BNC1: variants seen among roughly 807,000 people sequenced by gnomAD.
BNC1 encodes the protein zinc finger protein basonuclin-1.
Under a neutral mutation model 66.5 loss-of-function variants are expected in BNC1, and 8 were observed. The ratio of observed to expected loss-of-function variants is 0.12; its 90% CI spans 0.07 to 0.22. The LOEUF (loss-of-function observed/expected upper bound fraction) is 0.22. BNC1 is among the 10% of genes least tolerant of loss of function. BNC1 has a pLI of 1.00. For missense variants in BNC1, 1,069 were observed against 1,241.3 expected, an observed-to-expected ratio of 0.86 and a Z score of 2.09; for synonymous variants, 454 against 452.6, an observed-to-expected ratio of 1.00 and a Z score of -0.04.
chr15:83,257,846 T>C lies in BNC1; in HGVS notation c.2581A>G (p.Thr861Ala). The C allele has an allele frequency of 6.2e-7, 1 of 1,614,160 alleles. No homozygotes were observed. Among genetic ancestry groups the C allele is most frequent in the East Asian group, 2.2e-5 (1 of 44,874 alleles). ...CTACTCTCTGACTTCATGCTCGAGG[T>C]AGTGCTCAAATCCAGGATGGTGCCC... ...SEGTILDLST[T>A]SSMKSESSSH... is the part of the protein sequence containing the mutation. The change falls in exon 5 of 5, where the codon ACC becomes GCC. Residue 861 changes from threonine to alanine, a missense_variant. Thr to Ala is a moderately conservative substitution (Grantham distance 58). Around this residue, in one of 7 missense-constraint regions of BNC1, gnomAD observed 657 missense variants for 715.8 expected, o/e 0.92. Coordinates refer to ENST00000345382, the MANE Select transcript of BNC1 (RefSeq NM_001717.4).
Position 83,268,235 on chromosome 15 carries a change from GA to G in BNC1, c.100-4del. Reference sequence around the variant, plus strand: ...CAGTTCAGAGTACAGCTGATAGCCTGAAAAAGAGGAGAAAACAGGTATGTGG... The same window carrying G: ...CAGTTCAGAGTACAGCTGATAGCCTGAAAAGAGGAGAAAACAGGTATGTGG... On this transcript the variant is annotated splice_polypyrimidine_tract_variant and splice_region_variant and intron_variant, in intron 1 of 4. Coordinates refer to ENST00000345382, the MANE Select transcript of BNC1 (RefSeq NM_001717.4). 2 of 1,611,794 alleles carry G rather than the reference GA, an allele frequency of 1.2e-6. No individual in the cohort carries two copies. Among genetic ancestry groups the G allele is most frequent in the Non-Finnish European group, 1.7e-6 (2 of 1,178,040 alleles).
At position 83,263,890 on chromosome 15, in the gene BNC1, G is replaced by A; in HGVS notation, c.1361C>T (p.Pro454Leu). Residue 454 changes from proline (P) to leucine (L), a missense_variant, in exon 4 of 5, where the codon CCC becomes CTC. Physicochemically the swap from Pro to Leu is moderately conservative, Grantham distance 98 (BLOSUM62 -3). Transcript: ENST00000345382. ...TVTSPDCRPP[P>L]SYPGSGEDSK... Reference sequence around the variant, plus strand: ...ATCCTCTCCTGAACCAGGGTAGCTGGGAGGAGGCCTACAGTCTGGGGACGT... The same window carrying A: ...ATCCTCTCCTGAACCAGGGTAGCTGAGAGGAGGCCTACAGTCTGGGGACGT... The A allele has an allele frequency of 1.9e-6, 3 of 1,614,216 alleles. No individual in the cohort carries two copies. Among genetic ancestry groups the A allele is most frequent in the Non-Finnish European group, 2.5e-6 (3 of 1,180,050 alleles).
chr15:83,277,590 TGA>T (rs2038338308), intron 1 of BNC1, among the ~76,000 whole-genome samples: 1 of 152,252 alleles, frequency 6.6e-6, no homozygotes, highest in South Asian at 2.1e-4. Context: ...ATTACAGGCA[TGA>T]GCCACCGCGC....
Position 83,256,090 on chromosome 15 carries a change from T to C in BNC1, c.*1352A>G, listed in dbSNP as rs1445605117. 6.6e-6 allele frequency: 1 copy of C among 152,528 alleles called. No individual in the cohort carries two copies. Among genetic ancestry groups the C allele is most frequent in the East Asian group, 1.9e-4 (1 of 5,196 alleles). 9.4% of individuals were successfully genotyped at this position (152,528 alleles called of 1,614,324 possible). Reference sequence around the variant, plus strand: ...AAAAGCTGAAATAATTGGTAACAGGTTGTTGGCTTTTTAACCTTTAGACCA... The same window carrying C: ...AAAAGCTGAAATAATTGGTAACAGGCTGTTGGCTTTTTAACCTTTAGACCA... On this transcript the variant is annotated 3_prime_UTR_variant, in exon 5 of 5. Transcript: ENST00000345382.
intron 1 of BNC1, among the ~76,000 whole-genome samples, chr15:83,276,286 T>A (rs2038322851): frequency 6.6e-6 from 1 of 152,186 alleles, no homozygotes; most frequent in South Asian, 2.1e-4. Flanking sequence ...CAAAAATATC[T>A]AAGGTAAAAG....
chr15:83,269,444 T>TGTGC (rs1555459574), intron 1 of BNC1, among the ~76,000 whole-genome samples: 2 of 152,064 alleles, frequency 1.3e-5, no homozygotes, highest in African/African-American at 4.8e-5. Context: ...TGTGTGTGTG[T>TGTGC]GCGCGCGCAT....
chr15:83,280,878 G>C (rs2038370621), intron 1 of BNC1, among the ~76,000 whole-genome samples: 1 of 152,180 alleles, frequency 6.6e-6, no homozygotes, highest in Non-Finnish European at 1.5e-5. Flanking sequence ...CCTATGGACA[G>C]GGCTGTTTGG....
chr15:83,280,509 C>A (rs1394416123), intron 1 of BNC1, among the ~76,000 whole-genome samples: 1 of 152,130 alleles, frequency 6.6e-6, no homozygotes, highest in Non-Finnish European at 1.5e-5. Flanking sequence ...GTAAAACATT[C>A]TTTTGGGGAC....
At chr15:83,279,105 T>C (rs1033292767) in intron 1 of BNC1, among the ~76,000 whole-genome samples, 2 of 152,214 alleles carry the variant, frequency 1.3e-5, no homozygotes, top group Non-Finnish European at 2.9e-5. Context: ...TTATTGTTAA[T>C]TTTTTAGGTG....
chr15:83,282,442 A>T (rs1304923554), intron 1 of BNC1, among the ~76,000 whole-genome samples: 2 of 152,246 alleles, frequency 1.3e-5, no homozygotes. Flanking sequence ...ATCTTTTCAC[A>T]CCTCTTTAAA....
At position 83,257,755 on chromosome 15, in the gene BNC1, T is replaced by G; in HGVS notation, c.2672A>C (p.Asp891Ala). 4 of 1,614,154 alleles carry G rather than the reference T, an allele frequency of 2.5e-6. No homozygotes were observed. Among genetic ancestry groups the G allele is most frequent in the Non-Finnish European group, 3.4e-6 (4 of 1,180,008 alleles). The change falls in exon 5 of 5, where the codon GAT (aspartate) becomes GCT (alanine). Residue 891 changes from aspartate (D) to alanine (A), a missense_variant. Physicochemically the swap from Asp to Ala is moderately radical, Grantham distance 126. This residue lies in a region of BNC1 where 657 missense variants were observed against 715.8 expected (regional missense o/e 0.92). Coordinates refer to ENST00000345382, the MANE Select transcript of BNC1 (RefSeq NM_001717.4). ...EEGTVLMEDS[D>A]GNCEGSSLVP... ...AAGGCTCGACCCTTCACAGTTCCCA[T>G]CACTGTCCTCCATAAGCACAGTGCC...
intron 1 of BNC1, among the ~76,000 whole-genome samples, chr15:83,272,602 A>G (rs1294390370): frequency 2.0e-5 from 3 of 152,070 alleles, no homozygotes; most frequent in Non-Finnish European, 4.4e-5. Context: ...CTTATTTGGA[A>G]AATAAGACCT....
At chr15:83,271,312 G>A (rs1204402942) in intron 1 of BNC1, among the ~76,000 whole-genome samples, 1 of 152,190 alleles carries the variant, frequency 6.6e-6, no homozygotes, top group African/African-American at 2.4e-5. Flanking sequence ...TGATTTGACT[G>A]TCTTCTACGA....
intron 4 of BNC1, among the ~76,000 whole-genome samples, chr15:83,259,391 T>C (rs2038117898): frequency 6.6e-6 from 1 of 152,230 alleles, no homozygotes. Context: ...ATTGAACTTT[T>C]TAAATCCCCA....
At chr15:83,283,538 T>G (rs2038407038) in intron 1 of BNC1, 1 of 984,322 alleles carries the variant, frequency 1.0e-6, no homozygotes, top group African/African-American at 1.7e-5. Context: ...GAGCTCGAAG[T>G]CGGGGGCCGG....
chr15:83,263,748 T>C lies in BNC1; in HGVS notation c.1503A>G (p.Val501=), dbSNP rs549351242. The part of the protein sequence containing the change: ...FYRSPATPAE[V]ANTPGILPSL... ...AAGGGAGTATCCCAGGCGTGTTTGCTACCTCGGCAGGCGTGGCTGGACTGC... is the reference window on the plus strand; with the variant it reads ...AAGGGAGTATCCCAGGCGTGTTTGCCACCTCGGCAGGCGTGGCTGGACTGC... The change falls in exon 4 of 5, where the codon GTA becomes GTG. Residue 501 remains valine (V), a synonymous_variant. Transcript: ENST00000345382. The C allele has an allele frequency of 9.9e-6, 16 of 1,614,230 alleles. No homozygotes were observed. In the South Asian group the frequency reaches 1.6e-4, roughly 17 times the overall value.
Position 83,268,149 on chromosome 15 carries a change from A to G in BNC1, c.183T>C (p.His61=). ...INHRQCDQCK[H]GWVAHALSKL... ...TAAAGTTACCGTGGGCCACCCATCC[A>G]TGCTTGCATTGGTCACACTGACGGT... The change falls in exon 2 of 5, where the codon CAT becomes CAC. Residue 61 remains histidine (H), a synonymous_variant. Transcript: ENST00000345382. The G allele has an allele frequency of 1.2e-6, 2 of 1,614,188 alleles. No individual in the cohort carries two copies. The highest frequency in any genetic ancestry group is 1.6e-4 in the Middle Eastern group (1 of 6,062).
intron 1 of BNC1, among the ~76,000 whole-genome samples, chr15:83,278,653 G>C (rs2038350090): frequency 6.6e-6 from 1 of 152,178 alleles, no homozygotes; most frequent in African/African-American, 2.4e-5. Flanking sequence ...GATTATCTCT[G>C]AATGTGGATC....
chr15:83,267,145 G>T (rs939260891), intron 2 of BNC1, 74 bp from the exon 3 acceptor site: 28 of 1,166,086 alleles, frequency 2.4e-5, no homozygotes, highest in Middle Eastern at 2.0e-4. Context: ...AAAAAAGTAG[G>T]TTAGGACCAA....
Sources: gnomAD v4.1 joint callset for allele counts (sites outside exome capture counted in the v4.1 genomes callset) on GRCh38, gnomAD v4.1.1 for gene constraint, gnomAD v4.1.1 regional missense constraint, MANE v1.5 for transcripts, NCBI Gene and HGNC (gene_info 2026-07-23, HGNC 2026-07-21) for gene names.